LRCH2: variants seen among roughly 807,000 people sequenced by gnomAD.
LRCH2 encodes the protein leucine rich repeats and calponin homology domain containing 2, also known as leucine-rich repeat and calponin homology domain-containing protein 2.
LRCH2 carries 38 observed loss-of-function variants against 68.9 expected under a neutral mutation model. The observed-to-expected ratio is 0.55, with a 90% CI of 0.43 to 0.72. LRCH2 has a LOEUF of 0.72. LRCH2 is among the 30% of genes least tolerant of loss of function. The pLI, the probability that LRCH2 is intolerant of heterozygous loss-of-function variation, is 0.00. For synonymous variants in LRCH2, 191 were observed against 208.1 expected, an observed-to-expected ratio of 0.92 and a Z score of 0.71; for missense variants, 528 against 572.9, an observed-to-expected ratio of 0.92 and a Z score of 0.80.
chrX:115,192,278 G>A, intron 1 of LRCH2: 2 of 1,166,765 alleles, frequency 1.7e-6, no homozygotes, highest in Non-Finnish European at 2.3e-6. Flanking sequence ...TACGGAGGAG[G>A]AGGCCGCTAC....
At chrX:115,132,131 G>T (rs2072251086) in intron 14 of LRCH2, among the ~76,000 whole-genome samples, 1 of 111,810 alleles carries the variant, frequency 8.9e-6, no homozygotes, top group Admixed American at 9.5e-5. Flanking sequence ...ATTGCTTTTG[G>T]TGTTTTAGTC....
At chrX:115,117,133 A>G (rs1376127923) in intron 20 of LRCH2, among the ~76,000 whole-genome samples, 9 of 112,091 alleles carry the variant, frequency 8.0e-5, no homozygotes, top group Non-Finnish European at 1.7e-4. Context: ...AAAAGAAAGT[A>G]TACTTCAAAG....
At chrX:115,146,557 G>A (rs1556536230) in intron 14 of LRCH2, among the ~76,000 whole-genome samples, 1 of 103,158 alleles carries the variant, frequency 9.7e-6, no homozygotes. Context: ...TAATATGAAC[G>A]CCAAAAATTA....
chrX:115,166,227 G>A (rs988315152), intron 7 of LRCH2, 28 bp downstream of exon 7: 1 of 1,050,860 alleles, frequency 9.5e-7, no homozygotes, highest in East Asian at 3.1e-5. Context: ...TTGTAAAACA[G>A]AATGGATCAG....
intron 1 of LRCH2, among the ~76,000 whole-genome samples, chrX:115,195,573 C>A (rs190946857): frequency 2.3e-3 from 254 of 111,079 alleles, no homozygotes; most frequent in Admixed American, 4.5e-3. Context: ...CTTAGAAAAA[C>A]CAAAGTGGTA....
At chrX:115,218,341 A>T (rs2073055674) in intron 1 of LRCH2, among the ~76,000 whole-genome samples, 2 of 112,055 alleles carry the variant, frequency 1.8e-5, no homozygotes, top group South Asian at 7.4e-4. Flanking sequence ...GGAGTATAGG[A>T]TCTGGAGGCA....
At chrX:115,136,769 G>C (rs369087030) in intron 14 of LRCH2, among the ~76,000 whole-genome samples, 1 of 112,122 alleles carries the variant, frequency 8.9e-6, no homozygotes, top group Non-Finnish European at 1.9e-5. Flanking sequence ...AATGGTCCAC[G>C]AAGATTTTAA....
chrX:115,117,482 T>A (rs1482563022), intron 20 of LRCH2, among the ~76,000 whole-genome samples: 4 of 111,873 alleles, frequency 3.6e-5, no homozygotes, highest in Non-Finnish European at 7.6e-5. Context: ...ATACAAAGAC[T>A]TGTATACAAA....
At chrX:115,217,381 C>T (rs1201158044) in intron 1 of LRCH2, among the ~76,000 whole-genome samples, 1 of 110,649 alleles carries the variant, frequency 9.0e-6, no homozygotes, top group Non-Finnish European at 1.9e-5. Flanking sequence ...CTCCCCTGGC[C>T]TCCCACCCCA....
At chrX:115,231,319 G>A (rs1260937461) in intron 1 of LRCH2, among the ~76,000 whole-genome samples, 1 of 111,434 alleles carries the variant, frequency 9.0e-6, no homozygotes, top group Non-Finnish European at 1.9e-5. Context: ...ATGTATGTGT[G>A]TGTATGTATG....
rs782163362 is a variant in LRCH2, at chrX:115,233,339, T to C, written c.349+354A>G. On this transcript the variant is annotated intron_variant, in intron 1 of 20. Coordinates refer to ENST00000317135, the MANE Select transcript of LRCH2 (RefSeq NM_020871.4). ...GATTTTTGTGTTTCGTTTAGTTTGG[T>C]TGGGTTTGGTTTTCCGGGAAAGACG... Among the ~76,000 whole-genome samples the C allele has an allele frequency of 7.2e-5, 8 of 111,808 alleles. No individual in the cohort carries two copies. The East Asian group carries it at 1.1e-3, about 16-fold the overall frequency.
chrX:115,184,356 C>T (rs2072715802), intron 3 of LRCH2, 55 bp downstream of exon 3: 2 of 940,189 alleles, frequency 2.1e-6, no homozygotes, highest in Non-Finnish European at 2.8e-6. Flanking sequence ...GGTAATCTTC[C>T]AAAATGTAGA....
intron 15 of LRCH2, among the ~76,000 whole-genome samples, chrX:115,128,083 G>A (rs954560851): frequency 8.9e-6 from 1 of 112,166 alleles, no homozygotes; most frequent in Non-Finnish European, 1.9e-5. Flanking sequence ...GAACAGGCAA[G>A]AAATGGACGA....
rs1603012743 is a variant in LRCH2, at chrX:115,112,824, C to T, written c.*392G>A. 1 of 112,504 alleles carries T rather than the reference C, an allele frequency of 8.9e-6. No homozygotes were observed. The highest frequency in any genetic ancestry group is 2.8e-4 in the East Asian group (1 of 3,608). The allele number at this position is 112,504 out of a possible 1,213,427, so 9.3% of individuals were successfully genotyped here. A position where few individuals can be genotyped will look rare whatever the true frequency, so the allele number is the denominator to read the frequency against. ...ATTAAATAACTCAAATATAGAATTG[C>T]TCTAAATTGCTAAAAAAAATTACCT... On this transcript the variant is annotated 3_prime_UTR_variant, in exon 21 of 21. Coordinates refer to ENST00000317135, the MANE Select transcript of LRCH2 (RefSeq NM_020871.4).
chrX:115,118,086 G>A (rs1473786409), intron 20 of LRCH2, among the ~76,000 whole-genome samples: 1 of 110,322 alleles, frequency 9.1e-6, no homozygotes, highest in Non-Finnish European at 1.9e-5. Flanking sequence ...TATTAGTGAG[G>A]TAGTGAATGC....
intron 1 of LRCH2, among the ~76,000 whole-genome samples, chrX:115,222,651 A>G (rs2073092909): frequency 8.9e-6 from 1 of 112,350 alleles, no homozygotes; most frequent in South Asian, 3.6e-4. Flanking sequence ...ACAACATCAA[A>G]AACTAAAAAT....
At chrX:115,149,388 C>T (rs1357651281) in intron 14 of LRCH2, among the ~76,000 whole-genome samples, 9 of 111,130 alleles carry the variant, frequency 8.1e-5, no homozygotes, top group African/African-American at 2.9e-4. Context: ...ACTAAGGTAA[C>T]AAGAAGAAAA....
Position 115,193,043 on chromosome X carries a change from G to A in LRCH2, c.350-4673C>T, listed in dbSNP as rs1056111899. 2.7e-5 allele frequency among the ~76,000 whole-genome samples: 3 copies of A among 111,459 alleles called. No homozygotes were observed. The Admixed American group carries it at 2.9e-4, about 11-fold the overall frequency. On this transcript the variant is annotated intron_variant, in intron 1 of 20. Coordinates refer to ENST00000317135, the MANE Select transcript of LRCH2 (RefSeq NM_020871.4). ...CACTTAAACCAACTAGATTGTGGGT[G>A]GAGAGTGGGAGGGATTGGTGTATAC...
At chrX:115,170,918 C>T (rs1392234457) in intron 5 of LRCH2, among the ~76,000 whole-genome samples, 6 of 110,935 alleles carry the variant, frequency 5.4e-5, no homozygotes, top group Non-Finnish European at 7.6e-5. Flanking sequence ...TTGAAAGGTA[C>T]GATATTAGGC....
Sources: gnomAD v4.1 joint callset for allele counts (sites outside exome capture counted in the v4.1 genomes callset) on GRCh38, gnomAD v4.1.1 for gene constraint, MANE v1.5 for transcripts, NCBI Gene and HGNC (gene_info 2026-07-23, HGNC 2026-07-21) for gene names.